ELMO1: variants seen among roughly 807,000 people sequenced by gnomAD.
ELMO1 encodes the protein engulfment and cell motility 1.
In ELMO1, 26 loss-of-function variants were observed where a neutral mutation model predicts 98.9. The observed-to-expected ratio is 0.26, with a 90% CI of 0.19 to 0.36. ELMO1 has a LOEUF of 0.36. ELMO1 is among the 10% of genes least tolerant of loss of function. ELMO1 has a pLI of 1.00. For missense variants in ELMO1, 627 were observed against 935.2 expected (o/e 0.67, Z 4.30); for synonymous variants, 346 against 346.0 (o/e 1.00, Z 0.00).
At chr7:37,253,820 G>A (rs1170585044) in intron 6 of ELMO1, among the ~76,000 whole-genome samples, 1 of 151,746 alleles carries the variant, frequency 6.6e-6, no homozygotes, top group East Asian at 1.9e-4. Flanking sequence ...AAAAATTCCA[G>A]CAACATTTCT....
chr7:37,309,249 G>A (rs1798774322), intron 4 of ELMO1, among the ~76,000 whole-genome samples: 1 of 152,166 alleles, frequency 6.6e-6, no homozygotes, highest in African/African-American at 2.4e-5. Context: ...TCAAGAGAAA[G>A]GGGTTTCCCC....
chr7:37,141,243 G>C (rs946150389), intron 13 of ELMO1, among the ~76,000 whole-genome samples: 1 of 152,190 alleles, frequency 6.6e-6, no homozygotes, highest in Non-Finnish European at 1.5e-5. Flanking sequence ...CAGCAACCTG[G>C]AGGGAATTGG....
intron 16 of ELMO1, among the ~76,000 whole-genome samples, chr7:36,909,204 A>G (rs999333136): frequency 6.6e-6 from 1 of 152,242 alleles, no homozygotes; most frequent in African/African-American, 2.4e-5. Context: ...TTAGTGAGTA[A>G]TGCATAGCTC....
chr7:36,929,612 C>T (rs1485442505), intron 16 of ELMO1, among the ~76,000 whole-genome samples: 1 of 152,128 alleles, frequency 6.6e-6, no homozygotes, highest in African/African-American at 2.4e-5. Context: ...ATGGTCAGCA[C>T]TCATATAATA....
chr7:37,242,211 C>T (rs1288926994), intron 7 of ELMO1, among the ~76,000 whole-genome samples: 1 of 152,114 alleles, frequency 6.6e-6, no homozygotes, highest in Non-Finnish European at 1.5e-5. Flanking sequence ...ATCTTCAAGG[C>T]TACTATCTCT....
intron 16 of ELMO1, among the ~76,000 whole-genome samples, chr7:36,972,526 G>A (rs1440896661): frequency 6.6e-6 from 1 of 152,130 alleles, no homozygotes; most frequent in Non-Finnish European, 1.5e-5. Context: ...GGCTGTAAGG[G>A]GCTCTGTTCC....
chr7:36,941,293 A>C (rs1341068598), intron 16 of ELMO1, among the ~76,000 whole-genome samples: 1 of 152,212 alleles, frequency 6.6e-6, no homozygotes, highest in Non-Finnish European at 1.5e-5. Flanking sequence ...TATCTACGAC[A>C]ATGTGCCTTT....
chr7:37,338,780 A>G (rs1800560128), intron 2 of ELMO1, among the ~76,000 whole-genome samples: 1 of 152,202 alleles, frequency 6.6e-6, no homozygotes, highest in South Asian at 2.1e-4. Flanking sequence ...ACTCAACAAT[A>G]CATTGTGAAG....
At chr7:37,213,647 T>C (rs1179530444) in intron 11 of ELMO1, among the ~76,000 whole-genome samples, 190 bp from the exon 12 acceptor site, 1 of 152,036 alleles carries the variant, frequency 6.6e-6, no homozygotes, top group Non-Finnish European at 1.5e-5. Flanking sequence ...GATCTTCAGG[T>C]CACAGGCCAT....
At chr7:37,060,454 C>T (rs761805239) in intron 15 of ELMO1, among the ~76,000 whole-genome samples, 19 of 152,060 alleles carry the variant, frequency 1.2e-4, no homozygotes, top group African/African-American at 3.1e-4. Flanking sequence ...GGGAGCTAAA[C>T]GCTGGGTACA....
At chr7:37,154,660 T>C (rs185712934) in intron 13 of ELMO1, among the ~76,000 whole-genome samples, 131 of 152,296 alleles carry the variant, frequency 8.6e-4, no homozygotes, top group African/African-American at 2.9e-3. Context: ...AATACGGGAC[T>C]ATGTGAAAGA....
intron 1 of ELMO1, among the ~76,000 whole-genome samples, chr7:37,397,931 A>G (rs556055889): frequency 6.6e-6 from 1 of 152,330 alleles, no homozygotes; most frequent in Admixed American, 6.5e-5. Context: ...ATTCTCACTT[A>G]TAAGTGGGAG....
intron 15 of ELMO1, among the ~76,000 whole-genome samples, chr7:37,059,103 C>T (rs1796539322): frequency 6.6e-6 from 1 of 152,194 alleles, no homozygotes; most frequent in Admixed American, 6.5e-5. Context: ...TTTTCCAAAG[C>T]TCAGTGAACT....
At chr7:37,250,791 C>CAAAA (rs574487076) in intron 6 of ELMO1, among the ~76,000 whole-genome samples, 4 of 64,810 alleles carry the variant, frequency 6.2e-5, no homozygotes, top group African/African-American at 2.2e-4. Flanking sequence ...GACTCCGTCT[C>CAAAA]AAAAAAAAAA....
chr7:37,239,639 G>A (rs1794655574), intron 7 of ELMO1, among the ~76,000 whole-genome samples: 1 of 152,200 alleles, frequency 6.6e-6, no homozygotes, highest in Admixed American at 6.5e-5. Flanking sequence ...CAGAAAGCAG[G>A]ATTGAGTATG....
chr7:37,449,132 C>G (rs1178110570), upstream of ELMO1: 2 of 152,274 alleles, frequency 1.3e-5, no homozygotes, highest in African/African-American at 4.8e-5. Flanking sequence ...TTTTTGAAGT[C>G]CCCCTACTTA....
intron 13 of ELMO1, among the ~76,000 whole-genome samples, chr7:37,167,082 T>C (rs900677484): frequency 9.2e-5 from 14 of 152,264 alleles, no homozygotes; most frequent in South Asian, 4.2e-4. Flanking sequence ...GATCCCTTTA[T>C]CATTATGTAA....
intron 13 of ELMO1, among the ~76,000 whole-genome samples, chr7:37,135,727 T>C (rs138830613): frequency 1.8e-3 from 278 of 152,264 alleles, no homozygotes; most frequent in African/African-American, 6.3e-3. Context: ...ATCTGAACAG[T>C]AGTCCTTGAG....
chr7:37,414,865 G>C (rs547311050), intron 1 of ELMO1, among the ~76,000 whole-genome samples: 21 of 152,200 alleles, frequency 1.4e-4, no homozygotes, highest in Non-Finnish European at 2.2e-4. Flanking sequence ...AGAAGTAAAC[G>C]CTGGGCAGGA....
Sources: gnomAD v4.1 joint callset for allele counts (sites outside exome capture counted in the v4.1 genomes callset) on GRCh38, gnomAD v4.1.1 for gene constraint, MANE v1.5 for transcripts, NCBI Gene and HGNC (gene_info 2026-07-23, HGNC 2026-07-21) for gene names.